Variants in CFAP61 observed in about 807,000 individuals in gnomAD.
The protein encoded by CFAP61 is cilia and flagella associated protein 61.
A neutral mutation model predicts 135.6 loss-of-function variants in CFAP61; 107 were observed. The observed-to-expected ratio is 0.79, with a 90% CI of 0.67 to 0.93. The LOEUF (loss-of-function observed/expected upper bound fraction) is 0.93, where lower values mean the gene tolerates loss of function less well. CFAP61 is among the 40% of genes least tolerant of loss of function. The pLI, the probability that CFAP61 is intolerant of heterozygous loss-of-function variation, is 0.00. For missense variants in CFAP61, 1,507 were observed against 1,556.2 expected, an observed-to-expected ratio of 0.97 and a Z score of 0.53; for synonymous variants, 575 against 578.5, an observed-to-expected ratio of 0.99 and a Z score of 0.09.
At chr20:20,208,810 C>T (rs931225788) in intron 17 of CFAP61, among the ~76,000 whole-genome samples, 62 of 152,162 alleles carry the variant, frequency 4.1e-4, no homozygotes, top group Non-Finnish European at 9.0e-4. Flanking sequence ...GGCCACCTGC[C>T]CTTCAGCTCA....
chr20:20,315,752 A>C (rs1027712242), intron 25 of CFAP61, among the ~76,000 whole-genome samples: 11 of 152,214 alleles, frequency 7.2e-5, no homozygotes, highest in African/African-American at 2.7e-4. Context: ...AGCTTTCTAC[A>C]TATGGCTAGC....
intron 8 of CFAP61, among the ~76,000 whole-genome samples, chr20:20,105,467 C>T (rs2048317968): frequency 6.6e-6 from 1 of 152,130 alleles, no homozygotes; most frequent in African/African-American, 2.4e-5. Context: ...TCTCCCTCCT[C>T]CCCTTTTCTT....
At chr20:20,058,535 C>A (rs1245016966) in intron 2 of CFAP61, among the ~76,000 whole-genome samples, 3 of 152,160 alleles carry the variant, frequency 2.0e-5, no homozygotes, top group Non-Finnish European at 4.4e-5. Flanking sequence ...AAGCATGTGA[C>A]CCCTTTGTAT....
intron 2 of CFAP61, among the ~76,000 whole-genome samples, chr20:20,060,909 A>G (rs1206279022): frequency 2.0e-5 from 3 of 152,182 alleles, no homozygotes; most frequent in Non-Finnish European, 4.4e-5. Context: ...GCTGCCAACC[A>G]TGCAAGTAAG....
chr20:20,260,394 T>A (rs910110580), intron 20 of CFAP61, among the ~76,000 whole-genome samples: 3 of 152,242 alleles, frequency 2.0e-5, no homozygotes, highest in African/African-American at 7.2e-5. Flanking sequence ...AGCTTCTTTT[T>A]CCATAGATCG....
intron 6 of CFAP61, among the ~76,000 whole-genome samples, chr20:20,079,433 AT>A (rs5840866): frequency 0.69 from 103,996 of 151,064 alleles, 37,270 homozygotes; most frequent in East Asian, 0.84. Context: ...AGTCAGTGCT[AT>A]TTTTTTTTTC....
chr20:20,138,597 G>A (rs2146739467), intron 8 of CFAP61, among the ~76,000 whole-genome samples: 1 of 152,336 alleles, frequency 6.6e-6, no homozygotes, highest in Admixed American at 6.5e-5. Flanking sequence ...GTTAGTGTTG[G>A]CAATTCAAGA....
rs2054799613 is a variant in CFAP61, at chr20:20,178,467, C to A, written c.1385+9007C>A. 2.0e-5 allele frequency among the ~76,000 whole-genome samples: 3 copies of A among 152,268 alleles called. No individual in the cohort carries two copies. In the South Asian group the frequency reaches 6.2e-4, roughly 32 times the overall value. Reference sequence around the variant, plus strand: ...AACATATTCAGGTGAACTGGTTGCCCACTCCATCTTGCCACCCTTTCACAT... The same window carrying A: ...AACATATTCAGGTGAACTGGTTGCCAACTCCATCTTGCCACCCTTTCACAT... On this transcript the variant is annotated intron_variant, in intron 13 of 26. Coordinates refer to ENST00000245957, the MANE Select transcript of CFAP61 (RefSeq NM_015585.4).
At chr20:20,162,656 C>T (rs964140) in intron 10 of CFAP61, among the ~76,000 whole-genome samples, 137,295 of 152,224 alleles carry the variant, frequency 0.9, 62,719 homozygotes, top group Middle Eastern at 0.99. Context: ...ACAGGCAGGA[C>T]GGCAGAGCTG....
rs1392638077 is a variant in CFAP61, at chr20:20,277,268, C to G, written c.2606C>G (p.Pro869Arg). The G allele has an allele frequency of 1.9e-5, 30 of 1,613,966 alleles. No individual in the cohort carries two copies. Among genetic ancestry groups the G allele is most frequent in the Non-Finnish European group, 2.5e-5 (30 of 1,180,044 alleles). Residue 869 changes from proline (P) to arginine (R), a missense_variant, in exon 22 of 27, where the codon CCG (proline) becomes CGG (arginine). Physicochemically the swap from Pro to Arg is moderately radical, Grantham distance 103. Coordinates refer to ENST00000245957, the MANE Select transcript of CFAP61 (RefSeq NM_015585.4). ...AGCCGCATCCACCTCGTGCAGCCCC[C>G]GCCCGCCTCCACCATCACCTGCATC... is the stretch of plus-strand genomic sequence containing the variant. ...SGSRIHLVQP[P>R]PASTITCINN...
intron 8 of CFAP61, among the ~76,000 whole-genome samples, chr20:20,121,575 A>G (rs775918025): frequency 2.0e-5 from 3 of 152,076 alleles, no homozygotes; most frequent in Non-Finnish European, 4.4e-5. Context: ...GCACACCACA[A>G]CCTCTACCTG....
intron 14 of CFAP61, among the ~76,000 whole-genome samples, chr20:20,190,259 G>A (rs1227291345): frequency 1.3e-5 from 2 of 152,166 alleles, no homozygotes; most frequent in African/African-American, 4.8e-5. Context: ...ATCATGTCAT[G>A]GAATACTACT....
intron 8 of CFAP61, among the ~76,000 whole-genome samples, chr20:20,132,732 G>C (rs191920616): frequency 1.3e-4 from 19 of 151,976 alleles, no homozygotes; most frequent in African/African-American, 3.6e-4. Context: ...TTGAAATTTT[G>C]ATCAGTTATG....
intron 15 of CFAP61, among the ~76,000 whole-genome samples, chr20:20,193,357 G>C (rs2056056723): frequency 1.3e-5 from 2 of 152,018 alleles, no homozygotes; most frequent in Non-Finnish European, 2.9e-5. Flanking sequence ...TTATGAATGA[G>C]TGTTGAATTT....
rs185618852 is a variant in CFAP61, at chr20:20,242,359, G to C, written c.2061-3758G>C. The stretch of plus-strand genomic sequence containing the variant: ...ATGAAATTTTACTGACTTTAACCAG[G>C]GGGTGGATTTGCAGCAAGAGCATCT... On this transcript the variant is annotated intron_variant, in intron 18 of 26. Coordinates refer to ENST00000245957, the MANE Select transcript of CFAP61 (RefSeq NM_015585.4). Among the ~76,000 whole-genome samples the C allele has an allele frequency of 5.1e-3, 781 of 152,326 alleles. 5 individuals carry two copies. The highest frequency in any genetic ancestry group is 4.0e-3 in the Non-Finnish European group (271 of 68,036).
chr20:20,182,965 G>A (rs1483134058), intron 13 of CFAP61, among the ~76,000 whole-genome samples: 1 of 152,126 alleles, frequency 6.6e-6, no homozygotes, highest in Non-Finnish European at 1.5e-5. Context: ...ATCCAGAAAA[G>A]GAAGGAGCTA....
rs147695201 is a variant in CFAP61, at chr20:20,066,918, A to T, written c.144-3936A>T. 4.6e-5 allele frequency among the ~76,000 whole-genome samples: 7 copies of T among 152,332 alleles called. No homozygotes were observed. In the East Asian group the frequency reaches 1.3e-3, roughly 29 times the overall value. On this transcript the variant is annotated intron_variant, in intron 2 of 26. Coordinates refer to ENST00000245957, the MANE Select transcript of CFAP61 (RefSeq NM_015585.4). Reference sequence around the variant, plus strand: ...TTATGGGTTGTTTACTGGGTGATAAATTAGGAAACTTTTTGTGATGATGTA... The same window carrying T: ...TTATGGGTTGTTTACTGGGTGATAATTTAGGAAACTTTTTGTGATGATGTA...
intron 8 of CFAP61, among the ~76,000 whole-genome samples, chr20:20,124,043 T>C (rs1381896958): frequency 1.3e-5 from 2 of 148,238 alleles, no homozygotes; most frequent in Non-Finnish European, 3.0e-5. Context: ...CTCCACTTAG[T>C]TGCTGTTGGT....
chr20:20,328,803 G>A (rs574214130), intron 25 of CFAP61, among the ~76,000 whole-genome samples: 16 of 152,286 alleles, frequency 1.1e-4, no homozygotes, highest in Middle Eastern at 3.4e-3. Context: ...ACTACTTAAC[G>A]GGGAAATGCA....
Sources: allele counts gnomAD v4.1 joint callset (sites outside exome capture counted in the v4.1 genomes callset), GRCh38; gene constraint gnomAD v4.1.1; transcripts MANE v1.5; gene names NCBI Gene and HGNC (gene_info 2026-07-23, HGNC 2026-07-21).